Variants in CTNND2 observed in about 807,000 individuals in gnomAD.
CTNND2 encodes the protein catenin delta 2.
CTNND2 carries 22 observed loss-of-function variants against 144.4 expected under a neutral mutation model. The ratio of observed to expected loss-of-function variants is 0.15; its 90% CI spans 0.11 to 0.22. CTNND2 has a LOEUF of 0.22. Among genes scored for constraint, CTNND2 ranks in the 10% least tolerant of loss-of-function variants. The probability of loss-of-function intolerance (pLI) is 1.00; values close to 1 mark genes in which losing one functional copy is unlikely to be tolerated. For missense variants in CTNND2, 1,353 were observed against 1,618.8 expected, an observed-to-expected ratio of 0.84 and a Z score of 2.82; for synonymous variants, 751 against 695.6, an observed-to-expected ratio of 1.08 and a Z score of -1.25.
chr5:11,118,750 A>G (rs1354333975), intron 12 of CTNND2, among the ~76,000 whole-genome samples: 2 of 152,208 alleles, frequency 1.3e-5, no homozygotes, highest in Non-Finnish European at 2.9e-5. Context: ...CCAGCCCGCT[A>G]TAATTGACCC....
chr5:11,315,821 A>C (rs1173180038), intron 9 of CTNND2, among the ~76,000 whole-genome samples: 1 of 152,182 alleles, frequency 6.6e-6, no homozygotes, highest in African/African-American at 2.4e-5. Context: ...CTACATAGTA[A>C]GCTTGATAAA....
chr5:11,576,145 T>G (rs2150122971), intron 2 of CTNND2, among the ~76,000 whole-genome samples: 1 of 152,184 alleles, frequency 6.6e-6, no homozygotes, highest in East Asian at 1.9e-4. Context: ...CTAATACCAC[T>G]CCAGTTTTGG....
chr5:11,080,353 T>A (rs2149630340), intron 16 of CTNND2, among the ~76,000 whole-genome samples: 1 of 152,296 alleles, frequency 6.6e-6, no homozygotes, highest in Admixed American at 6.5e-5. Flanking sequence ...ACCCTTGTAC[T>A]TTATTAGCGG....
At chr5:11,544,091 A>G (rs1285092549) in intron 3 of CTNND2, among the ~76,000 whole-genome samples, 1 of 152,234 alleles carries the variant, frequency 6.6e-6, no homozygotes, top group Non-Finnish European at 1.5e-5. Flanking sequence ...AAAATAAGGG[A>G]AAAGCATATG....
In CTNND2 at chr5:11,178,437, T is replaced by C. The variant is rs147274141; in HGVS notation, c.1976-18678A>G. Among the ~76,000 whole-genome samples, 53 of 152,326 alleles carry C rather than the reference T, an allele frequency of 3.5e-4. No homozygotes were observed. In the East Asian group the frequency reaches 9.8e-3, roughly 28 times the overall value. ...CTATGATATGCTGGGTTGAACATCA[T>C]GGAAACAATCATGACTATGAAACTT... On this transcript the variant is annotated intron_variant, in intron 11 of 21. Transcript: ENST00000304623.
intron 1 of CTNND2, among the ~76,000 whole-genome samples, chr5:11,900,607 C>T (rs559313329): frequency 6.6e-6 from 1 of 152,276 alleles, no homozygotes; most frequent in African/African-American, 2.4e-5. Flanking sequence ...AAGCTAGCAA[C>T]AAGTATCATG....
At chr5:11,790,397 G>A (rs896030147) in intron 1 of CTNND2, among the ~76,000 whole-genome samples, 11 of 152,098 alleles carry the variant, frequency 7.2e-5, no homozygotes, top group African/African-American at 1.7e-4. Context: ...TGTCATAGAG[G>A]TGTAGATTGA....
Position 11,756,427 on chromosome 5 carries a change from T to C in CTNND2, c.38-24155A>G, listed in dbSNP as rs147866858. On this transcript the variant is annotated intron_variant, in intron 1 of 21. Transcript: ENST00000304623. Reference sequence around the variant, plus strand: ...CAATATAAAATTCATAGTGCCATTATAAAATGTTGCTTAACACATTGAAAA... The same window carrying C: ...CAATATAAAATTCATAGTGCCATTACAAAATGTTGCTTAACACATTGAAAA... Among the ~76,000 whole-genome samples the C allele has an allele frequency of 8.6e-5, 13 of 151,852 alleles. No individual in the cohort carries two copies. The East Asian group carries it at 2.3e-3, about 27-fold the overall frequency.
At chr5:11,080,171 T>C (rs191063165) in intron 16 of CTNND2, among the ~76,000 whole-genome samples, 75 of 151,912 alleles carry the variant, frequency 4.9e-4, no homozygotes, top group Admixed American at 1.2e-3. Flanking sequence ...AGGATATGAA[T>C]AGACATTACT....
chr5:11,042,834 T>C (rs1030049384), intron 16 of CTNND2, among the ~76,000 whole-genome samples: 2 of 152,166 alleles, frequency 1.3e-5, no homozygotes, highest in African/African-American at 4.8e-5. Context: ...ACTTCATCTC[T>C]TTTCCTAACA....
chr5:11,522,039 T>C (rs927728915), intron 3 of CTNND2, among the ~76,000 whole-genome samples: 1 of 152,160 alleles, frequency 6.6e-6, no homozygotes, highest in Admixed American at 6.5e-5. Flanking sequence ...GAGAGATCTA[T>C]CCTAAATCAA....
chr5:11,354,543 G>A (rs1236604664), intron 8 of CTNND2, among the ~76,000 whole-genome samples: 2 of 152,068 alleles, frequency 1.3e-5, no homozygotes. Flanking sequence ...CTATTCATTT[G>A]TCTATACACT....
chr5:11,128,965 A>ATATATAATATATAAATATATATT (rs1561351061), intron 12 of CTNND2, among the ~76,000 whole-genome samples: 3 of 28,414 alleles, frequency 1.1e-4, no homozygotes, highest in South Asian at 8.2e-4. Flanking sequence ...AAATATATAT[A>ATATATAATATATAAATATATATT]ATATATAATA....
chr5:11,852,427 T>C (rs1394778888), intron 1 of CTNND2, among the ~76,000 whole-genome samples: 2 of 152,052 alleles, frequency 1.3e-5, no homozygotes, highest in Non-Finnish European at 2.9e-5. Flanking sequence ...AAGGAACAAA[T>C]GGCAAGAATC....
At position 11,903,879 on chromosome 5, in the gene CTNND2, C is replaced by A; in HGVS notation, c.-26G>T. ...GCACCCTCCGCCGGCGACAGCTCCTCAGTCCGGGAAGAGGCGTGCGCGGCG... is the reference window on the plus strand; with the variant it reads ...GCACCCTCCGCCGGCGACAGCTCCTAAGTCCGGGAAGAGGCGTGCGCGGCG... On this transcript the variant is annotated 5_prime_UTR_variant, in exon 1 of 22. Coordinates refer to ENST00000304623, the MANE Select transcript of CTNND2 (RefSeq NM_001332.4). This position sits in a 1 kb window ranked among gnomAD's most constrained non-coding sequence, Gnocchi z 5.4. 6.9e-7 allele frequency: 1 copy of A among 1,459,446 alleles called. No individual in the cohort carries two copies. The highest frequency in any genetic ancestry group is 9.0e-7 in the Non-Finnish European group (1 of 1,111,562). 90.4% of individuals were successfully genotyped at this position (1,459,446 alleles called of 1,614,324 possible).
rs541244705 is a variant in CTNND2, at chr5:11,492,685, TAATA to T, written c.287+72255_287+72258del. Among the ~76,000 whole-genome samples the T allele has an allele frequency of 1.4e-4, 21 of 151,902 alleles. 1 individual carries two copies. The South Asian group carries it at 2.9e-3, about 21-fold the overall frequency. The stretch of plus-strand genomic sequence containing the variant: ...ACTAAGAGGTATATACATCTTTCAT[TAATA>T]AAGATATATCTATCATTAATAAAAA... On this transcript the variant is annotated intron_variant, in intron 3 of 21. Transcript: ENST00000304623.
intron 3 of CTNND2, among the ~76,000 whole-genome samples, chr5:11,432,318 C>T (rs1335134412): frequency 6.7e-6 from 1 of 149,866 alleles, no homozygotes; most frequent in Non-Finnish European, 1.5e-5. Flanking sequence ...TGAAATTTAC[C>T]AGGGAAGACA....
intron 16 of CTNND2, among the ~76,000 whole-genome samples, chr5:11,043,222 G>C (rs1170418584): frequency 6.6e-6 from 1 of 152,044 alleles, no homozygotes; most frequent in African/African-American, 2.4e-5. Context: ...TTGTGCTTTA[G>C]ATATTTCTCC....
chr5:11,826,154 C>T (rs984561703), intron 1 of CTNND2, among the ~76,000 whole-genome samples: 4 of 151,842 alleles, frequency 2.6e-5, no homozygotes, highest in Non-Finnish European at 5.9e-5. Flanking sequence ...AAAATAATAA[C>T]TATTATTGTG....
Sources: allele counts gnomAD v4.1 joint callset (sites outside exome capture counted in the v4.1 genomes callset), GRCh38; gene constraint gnomAD v4.1.1; non-coding constraint Gnocchi (gnomAD v3.1); transcripts MANE v1.5; gene names NCBI Gene and HGNC (gene_info 2026-07-23, HGNC 2026-07-21).